The following NTNG1 variants were observed in gnomAD, a reference collection of about 807,000 sequenced individuals.
The protein encoded by NTNG1 is netrin-G1.
Under a neutral mutation model 54.0 loss-of-function variants are expected in NTNG1, and 16 were observed. The ratio of observed to expected loss-of-function variants is 0.30; its 90% CI spans 0.20 to 0.45. The LOEUF is 0.45. Ranked by LOEUF, NTNG1 falls within the 20% of genes least tolerant of loss-of-function variation. The pLI is 1.00. For synonymous variants in NTNG1, 255 were observed against 263.1 expected (o/e 0.97, Z 0.30); for missense variants, 530 against 678.7 (o/e 0.78, Z 2.43).
chr1:107,372,861 G>A (rs1341573297), intron 3 of NTNG1, among the ~76,000 whole-genome samples: 1 of 152,006 alleles, frequency 6.6e-6, no homozygotes, highest in Non-Finnish European at 1.5e-5. Context: ...CTTTTCATCA[G>A]TTAAATCCTT....
At chr1:107,335,690 T>C (rs1668534888) in intron 3 of NTNG1, among the ~76,000 whole-genome samples, 1 of 151,928 alleles carries the variant, frequency 6.6e-6, no homozygotes, top group African/African-American at 2.4e-5. Flanking sequence ...TTACTCATTG[T>C]ATCGTCAGAA....
chr1:107,313,573 G>A (rs1020451594), intron 2 of NTNG1, among the ~76,000 whole-genome samples: 5 of 152,122 alleles, frequency 3.3e-5, no homozygotes, highest in African/African-American at 1.2e-4. Flanking sequence ...TGTAGAGCTA[G>A]GAGGGAAGAG....
chr1:107,439,395 T>A (rs1355465840), intron 7 of NTNG1, among the ~76,000 whole-genome samples: 3 of 151,814 alleles, frequency 2.0e-5, no homozygotes, highest in African/African-American at 7.3e-5. Flanking sequence ...AGCTAAGACA[T>A]TTTATGTTGT....
intron 4 of NTNG1, among the ~76,000 whole-genome samples, chr1:107,405,621 G>C (rs1673367783): frequency 6.6e-6 from 1 of 152,106 alleles, no homozygotes; most frequent in Non-Finnish European, 1.5e-5. Context: ...GTTTTTCATT[G>C]TATGGTGCCA....
intron 2 of NTNG1, among the ~76,000 whole-genome samples, chr1:107,269,298 A>T (rs1407335001): frequency 1.3e-5 from 2 of 151,486 alleles, no homozygotes; most frequent in Non-Finnish European, 2.9e-5. Context: ...TACATGACTC[A>T]CTCCCATTCT....
intron 4 of NTNG1, 67 bp downstream of exon 4, chr1:107,395,393 C>T: frequency 7.1e-7 from 1 of 1,416,052 alleles, no homozygotes; most frequent in Non-Finnish European, 1.0e-6. Context: ...CTCAATTTTG[C>T]TTACAATTGT....
chr1:107,232,290 A>G (rs776930559), intron 2 of NTNG1, among the ~76,000 whole-genome samples: 21 of 152,210 alleles, frequency 1.4e-4, no homozygotes, highest in Admixed American at 1.4e-3. Flanking sequence ...ATATTCCAAC[A>G]AAGTATTGGT....
chr1:107,467,113 C>T (rs745862744), intron 7 of NTNG1, among the ~76,000 whole-genome samples: 14 of 151,962 alleles, frequency 9.2e-5, no homozygotes, highest in Non-Finnish European at 1.8e-4. Context: ...TCTAAAGTCA[C>T]TGTCTTTACC....
chr1:107,466,743 A>T (rs1018684934), intron 7 of NTNG1, among the ~76,000 whole-genome samples: 3 of 151,980 alleles, frequency 2.0e-5, no homozygotes, highest in East Asian at 1.9e-4. Flanking sequence ...CAATTCATAA[A>T]TTTTTTCTCT....
chr1:107,405,276 CA>C (rs1381290052), intron 4 of NTNG1, among the ~76,000 whole-genome samples: 1 of 152,098 alleles, frequency 6.6e-6, no homozygotes, highest in African/African-American at 2.4e-5. Flanking sequence ...TTTTCAACTT[CA>C]AAGGTCTTTA....
chr1:107,158,737 A>G (rs945044933), intron 2 of NTNG1, among the ~76,000 whole-genome samples: 2 of 152,182 alleles, frequency 1.3e-5, no homozygotes, highest in African/African-American at 2.4e-5. Flanking sequence ...TGGTTCCTCT[A>G]TAGTGATTCG....
chr1:107,318,562 G>A (rs573948782), intron 2 of NTNG1, among the ~76,000 whole-genome samples: 4 of 151,934 alleles, frequency 2.6e-5, no homozygotes, highest in Non-Finnish European at 5.9e-5. Context: ...AATTTGTGCC[G>A]GTTTTGCTGT....
intron 7 of NTNG1, among the ~76,000 whole-genome samples, chr1:107,453,018 G>A (rs1438787626): frequency 6.6e-6 from 1 of 152,098 alleles, no homozygotes; most frequent in Non-Finnish European, 1.5e-5. Flanking sequence ...CATTGCTCAG[G>A]ATTCCCTCTG....
intron 3 of NTNG1, among the ~76,000 whole-genome samples, chr1:107,333,403 G>A (rs1668394660): frequency 6.6e-6 from 1 of 151,832 alleles, no homozygotes; most frequent in South Asian, 2.1e-4. Context: ...AAACATTTTG[G>A]AAGTGTTCAC....
rs191432990 is a variant in NTNG1, at chr1:107,264,234, G to A, written c.247-60048G>A. Among the ~76,000 whole-genome samples, 631 of 152,072 alleles carry A rather than the reference G, an allele frequency of 4.1e-3. 5 individuals are homozygous for A. Among genetic ancestry groups the A allele is most frequent in the African/African-American group, 0.014 (594 of 41,468 alleles). On this transcript the variant is annotated intron_variant, in intron 2 of 7. Coordinates refer to ENST00000370068, the MANE Select transcript of NTNG1 (RefSeq NM_001113226.3). ...TCACCACCACCGTTTTTCCACCCTG[G>A]TGCACATTTTTGTAGCCATTGCTCT...
chr1:107,391,269 G>A (rs1672339322), intron 3 of NTNG1, among the ~76,000 whole-genome samples: 2 of 152,072 alleles, frequency 1.3e-5, no homozygotes, highest in African/African-American at 4.8e-5. Context: ...GAAAATAATG[G>A]GAAATCTTAC....
intron 2 of NTNG1, among the ~76,000 whole-genome samples, chr1:107,165,150 A>T (rs1655693812): frequency 1.3e-5 from 2 of 152,174 alleles, no homozygotes; most frequent in African/African-American, 4.8e-5. Flanking sequence ...GCAGGTGACC[A>T]AGGGAACAGA....
intron 2 of NTNG1, among the ~76,000 whole-genome samples, chr1:107,180,878 C>A (rs1012144914): frequency 6.6e-6 from 1 of 152,158 alleles, no homozygotes; most frequent in African/African-American, 2.4e-5. Flanking sequence ...TCTTCTGTAT[C>A]TCCTAGATAA....
At chr1:107,213,834 C>T (rs1037045640) in intron 2 of NTNG1, among the ~76,000 whole-genome samples, 5 of 152,020 alleles carry the variant, frequency 3.3e-5, no homozygotes, top group Non-Finnish European at 7.4e-5. Flanking sequence ...ATTAAGGCAC[C>T]AAATTCATTC....
Sources: gnomAD v4.1 joint callset for allele counts (sites outside exome capture counted in the v4.1 genomes callset) on GRCh38, gnomAD v4.1.1 for gene constraint, MANE v1.5 for transcripts, NCBI Gene and HGNC (gene_info 2026-07-23, HGNC 2026-07-21) for gene names.